Variants in ARHGAP9 observed in about 807,000 individuals in gnomAD.
ARHGAP9 encodes Rho GTPase activating protein 9, also known as rho GTPase-activating protein 9.
Under a neutral mutation model 87.3 loss-of-function variants are expected in ARHGAP9, and 76 were observed. That is an observed-to-expected ratio of 0.87 (90% CI 0.72 to 1.05). The LOEUF (loss-of-function observed/expected upper bound fraction) is 1.05, where lower values mean the gene tolerates loss of function less well. Ranked by LOEUF, ARHGAP9 falls within the 50% of genes least tolerant of loss-of-function variation. The pLI, the probability that ARHGAP9 is intolerant of heterozygous loss-of-function variation, is 0.00. For synonymous variants in ARHGAP9, 382 were observed against 394.9 expected (o/e 0.97, Z 0.39); for missense variants, 941 against 960.5 (o/e 0.98, Z 0.27).
chr12:57,478,651 C>A lies in ARHGAP9; in HGVS notation c.423G>T (p.Arg141Ser), dbSNP rs746212507. 7 of 1,614,148 alleles carry A rather than the reference C, an allele frequency of 4.3e-6. No individual in the cohort carries two copies. The highest frequency in any genetic ancestry group is 1.6e-4 in the Middle Eastern group (1 of 6,062). The change falls in exon 3 of 18, where the codon AGG becomes AGT. Residue 141 changes from arginine (R) to serine (S), a missense_variant. Transcript: ENST00000393791. ...QPPPLPRKMC[R>S]SVSTDNLSPS... ...GGCTCAGATTGTCAGTGCTGACGCT[C>A]CTACACATTTTGCGGGGAAGTGGAG...
chr12:57,477,307 T>C (rs776543369), intron 4 of ARHGAP9, 38 bp from the exon 5 acceptor site: 8 of 1,528,180 alleles, frequency 5.2e-6, no homozygotes, highest in Middle Eastern at 1.8e-4. Flanking sequence ...TACATCCAGA[T>C]GCCACCTCTA....
intron 1 of ARHGAP9, chr12:57,488,305 C>A: frequency 3.0e-6 from 3 of 1,009,650 alleles, no homozygotes; most frequent in East Asian, 4.9e-5. Flanking sequence ...CCACACACCC[C>A]AATCGACCAC....
At chr12:57,486,461 G>A (rs1030468766) in intron 1 of ARHGAP9, among the ~76,000 whole-genome samples, 1 of 151,672 alleles carries the variant, frequency 6.6e-6, no homozygotes, top group Non-Finnish European at 1.5e-5. Flanking sequence ...CTAAAGAAGG[G>A]GTTTCACCAC....
In ARHGAP9 at chr12:57,476,746, A is replaced by G. The variant is rs556022277; in HGVS notation, c.964-95T>C. The G allele has an allele frequency of 3.2e-6, 5 of 1,566,908 alleles. No homozygotes were observed. In the East Asian group the frequency reaches 9.0e-5, roughly 28 times the overall value. ...GGGTCTCCCAGGAGTGAAGTCCCTT[A>G]AAGTTGCTGGGGGAGGGCTGGGTAG... On this transcript the variant is annotated intron_variant, in intron 6 of 17. Transcript: ENST00000393791.
intron 1 of ARHGAP9, among the ~76,000 whole-genome samples, chr12:57,485,571 C>A (rs200397844): frequency 0.023 from 2,771 of 118,260 alleles, 33 homozygotes; most frequent in Middle Eastern, 0.036. Context: ...AAAAAAAAAA[C>A]AAAAAAACTA....
In ARHGAP9 at chr12:57,476,093, G is replaced by T; in HGVS notation, c.1190C>A (p.Ser397Tyr). ...GAALAHGRHL[S>Y]SRRNVLHIRT... ...CACGTGCAGGACGTTGCGGCGGCTG[G>T]ACAGGTGGCGGCCGTGCGCCAGGGC... Residue 397 changes from serine to tyrosine, a missense_variant, in exon 9 of 18, where the codon TCC becomes TAC. Coordinates refer to ENST00000393791, the MANE Select transcript of ARHGAP9 (RefSeq NM_032496.4). 1 of 1,538,386 alleles carries T rather than the reference G, an allele frequency of 6.5e-7. No individual in the cohort carries two copies. Among genetic ancestry groups the T allele is most frequent in the Non-Finnish European group, 8.7e-7 (1 of 1,143,290 alleles).
intron 2 of ARHGAP9, 115 bp downstream of exon 2, chr12:57,478,976 G>T: frequency 7.4e-7 from 1 of 1,350,278 alleles, no homozygotes; most frequent in Non-Finnish European, 1.0e-6. Flanking sequence ...AACAAGAGAA[G>T]ATGGTTAGCA....
At chr12:57,480,769 C>T (rs1277652058), upstream of ARHGAP9, 1 of 1,550,026 alleles carries the variant, frequency 6.5e-7, no homozygotes, top group East Asian at 2.4e-5. Context: ...ACTTCTGCTT[C>T]TGCCTTACCT....
upstream of ARHGAP9, chr12:57,479,999 C>A: frequency 6.6e-6 from 9 of 1,359,580 alleles, no homozygotes; most frequent in South Asian, 3.5e-5. Context: ...AAACAGAAAG[C>A]CAAATAAATA....
intron 1 of ARHGAP9, chr12:57,488,161 G>GC: frequency 6.2e-7 from 1 of 1,614,172 alleles, no homozygotes; most frequent in Non-Finnish European, 8.5e-7. Context: ...AGAGCCCGGG[G>GC]CAGAGCAGAG....
At chr12:57,472,941 G>C (rs1043096323) in intron 17 of ARHGAP9, among the ~76,000 whole-genome samples, 1 of 152,166 alleles carries the variant, frequency 6.6e-6, no homozygotes, top group Admixed American at 6.6e-5. Flanking sequence ...TCACAGTTTG[G>C]GAGTCTTTAA....
chr12:57,474,046 G>A lies in ARHGAP9; in HGVS notation c.1914C>T (p.Ala638=). 1 of 1,613,472 alleles carries A rather than the reference G, an allele frequency of 6.2e-7. No homozygotes were observed. Among genetic ancestry groups the A allele is most frequent in the Non-Finnish European group, 8.5e-7 (1 of 1,179,746 alleles). ...PPLLLPHFRA[A]LALSESEQCL... ...TTCCAAAGCTCCAACCCTTACCAAG[G>A]GCAGCACGGAAATGGGGCAGCAGCA... Residue 638 remains alanine (A), a synonymous_variant, in exon 16 of 18, where the codon GCC becomes GCT. Transcript: ENST00000393791.
At chr12:57,483,655 C>A (rs758275959), upstream of ARHGAP9, among the ~76,000 whole-genome samples, 23 of 152,164 alleles carry the variant, frequency 1.5e-4, no homozygotes, top group Non-Finnish European at 2.9e-4. Context: ...GTTTCCTTTG[C>A]CTGAAACACG....
Position 57,475,555 on chromosome 12 carries a change from C to G in ARHGAP9, c.1372G>C (p.Gly458Arg), listed in dbSNP as rs752015158. 5.0e-5 allele frequency: 81 copies of G among 1,609,212 alleles called. No homozygotes were observed. The South Asian group carries it at 8.0e-4, about 16-fold the overall frequency. The change falls in exon 11 of 18, where the codon GGG (glycine) becomes CGG (arginine). Residue 458 changes from glycine to arginine, a missense_variant. Coordinates refer to ENST00000393791, the MANE Select transcript of ARHGAP9 (RefSeq NM_032496.4). The stretch of plus-strand genomic sequence containing the variant: ...TCCGACTCCTCTTCTTCGTCCTCCC[C>G]GGCGCTCAGCTCCGCGGGTCCAGAG... ...SGSGPAELSA[G>R]EDEEEESELV...
At chr12:57,483,577 A>G (rs1009010111), upstream of ARHGAP9, among the ~76,000 whole-genome samples, 4 of 152,116 alleles carry the variant, frequency 2.6e-5, no homozygotes, top group Admixed American at 6.5e-5. Flanking sequence ...CAAACTCCAC[A>G]CTGCAGTCTT....
chr12:57,477,287 G>A lies in ARHGAP9; in HGVS notation c.757-18C>T, dbSNP rs757936193. The A allele has an allele frequency of 5.2e-6, 8 of 1,543,232 alleles. No homozygotes were observed. The East Asian group carries it at 1.8e-4, about 35-fold the overall frequency. ...CCAGGGTTCTGGGTTAGGGGAGGAG[G>A]AAATAAAGCTACATCCAGATGCCAC... On this transcript the variant is annotated intron_variant, in intron 4 of 17. Transcript: ENST00000393791.
At position 57,475,492 on chromosome 12, in the gene ARHGAP9, G is replaced by C. The variant is rs768620745; in HGVS notation, c.1435C>G (p.Arg479Gly). The change falls in exon 11 of 18, where the codon CGG (arginine) becomes GGG (glycine). Residue 479 changes from arginine to glycine, a missense_variant. Physicochemically the swap from Arg to Gly is moderately radical, Grantham distance 125. Coordinates refer to ENST00000393791, the MANE Select transcript of ARHGAP9 (RefSeq NM_032496.4). The part of the protein sequence containing the change: ...SKPLLRLSSR[R>G]SSIRGPEGTE... ...CCAGCCCGCGCCTCACTGGAGCTCC[G>C]GCGGCTGCTGAGGCGCAGCAGCGGC... The C allele has an allele frequency of 1.2e-6, 2 of 1,601,428 alleles. No individual in the cohort carries two copies. Among genetic ancestry groups the C allele is most frequent in the African/African-American group, 1.3e-5 (1 of 74,730 alleles).
chr12:57,481,837 T>C (rs149292792), upstream of ARHGAP9, among the ~76,000 whole-genome samples: 9 of 152,316 alleles, frequency 5.9e-5, no homozygotes, highest in East Asian at 1.7e-3. Context: ...CCTCTGCCTG[T>C]TCCTTAAACC....
At chr12:57,475,011 G>C in intron 12 of ARHGAP9, 38 bp from the exon 13 acceptor site, 2 of 1,587,660 alleles carry the variant, frequency 1.3e-6, no homozygotes, top group South Asian at 1.1e-5. Flanking sequence ...CAGTGCCAGC[G>C]TCACTCACAG....
Sources: allele counts gnomAD v4.1 joint callset (sites outside exome capture counted in the v4.1 genomes callset), GRCh38; gene constraint gnomAD v4.1.1; transcripts MANE v1.5; gene names NCBI Gene and HGNC (gene_info 2026-07-23, HGNC 2026-07-21).